Variants in UBE3D observed in about 807,000 individuals in gnomAD.
The protein encoded by UBE3D is ubiquitin protein ligase E3D, also known as E3 ubiquitin-protein ligase E3D.
UBE3D carries 48 observed loss-of-function variants against 49.6 expected under a neutral mutation model. That is an observed-to-expected ratio of 0.97 (90% CI 0.77 to 1.23). UBE3D has a LOEUF of 1.23. Ranked by LOEUF, UBE3D falls within the 50% of genes most tolerant of loss-of-function variation. The pLI is 0.00. For synonymous variants in UBE3D, 189 were observed against 174.2 expected, an observed-to-expected ratio of 1.08 and a Z score of -0.67; for missense variants, 452 against 468.4, an observed-to-expected ratio of 0.96 and a Z score of 0.32.
At chr6:83,013,018 GAGAA>G (rs1780453550) in intron 8 of UBE3D, among the ~76,000 whole-genome samples, 1 of 152,216 alleles carries the variant, frequency 6.6e-6, no homozygotes, top group Non-Finnish European at 1.5e-5. Context: ...GGCTGGGGAA[GAGAA>G]GGCAGGGTGG....
intron 3 of UBE3D, among the ~76,000 whole-genome samples, chr6:83,051,822 T>G (rs1032512985): frequency 1.3e-5 from 2 of 152,156 alleles, no homozygotes; most frequent in East Asian, 1.9e-4. Context: ...ACTCTGAGGA[T>G]CCTCCATTTG....
chr6:82,898,002 T>C (rs942662906), intron 9 of UBE3D, among the ~76,000 whole-genome samples: 1 of 151,982 alleles, frequency 6.6e-6, no homozygotes, highest in African/African-American at 2.4e-5. Flanking sequence ...AACAACCCCA[T>C]CAAAAAGTGG....
At chr6:83,012,354 A>G (rs1780398059) in intron 8 of UBE3D, among the ~76,000 whole-genome samples, 1 of 152,190 alleles carries the variant, frequency 6.6e-6, no homozygotes, top group South Asian at 2.1e-4. Flanking sequence ...AAATGGTGCC[A>G]TATCAAGGGC....
In UBE3D at chr6:82,905,990, T is replaced by C. The variant is rs185679256; in HGVS notation, c.1150-12948A>G. Among the ~76,000 whole-genome samples the C allele has an allele frequency of 3.9e-3, 593 of 152,252 alleles. 7 individuals are homozygous for C. The highest frequency in any genetic ancestry group is 0.013 in the African/African-American group (553 of 41,552). On this transcript the variant is annotated intron_variant, in intron 9 of 9. Transcript: ENST00000369747. Reference sequence around the variant, plus strand: ...TGAAGCAAATCCCAGTCCTATTACTTCACATATAATTCAGTATATATCTTT... The same window carrying C: ...TGAAGCAAATCCCAGTCCTATTACTCCACATATAATTCAGTATATATCTTT...
At position 82,906,879 on chromosome 6, in the gene UBE3D, T is replaced by C. The variant is rs574411629; in HGVS notation, c.1150-13837A>G. The stretch of plus-strand genomic sequence containing the variant: ...GCTAGAAAATACTGTCTTAAAACCA[T>C]CTTAACAATCGAGTCATTTTATCGG... On this transcript the variant is annotated intron_variant, in intron 9 of 9. Transcript: ENST00000369747. Among the ~76,000 whole-genome samples, 5 of 152,310 alleles carry C rather than the reference T, an allele frequency of 3.3e-5. No individual in the cohort carries two copies. In the South Asian group the frequency reaches 1.0e-3, roughly 32 times the overall value.
chr6:83,034,327 C>T (rs555303675), intron 5 of UBE3D, among the ~76,000 whole-genome samples: 3 of 152,242 alleles, frequency 2.0e-5, no homozygotes, highest in South Asian at 4.2e-4. Context: ...TTATTATTAC[C>T]ATAATACTAC....
At chr6:83,062,729 C>T (rs1393285127) in intron 1 of UBE3D, among the ~76,000 whole-genome samples, 1 of 152,004 alleles carries the variant, frequency 6.6e-6, no homozygotes, top group Non-Finnish European at 1.5e-5. Flanking sequence ...TTGCTTTATA[C>T]AGAAAGACAT....
intron 9 of UBE3D, among the ~76,000 whole-genome samples, chr6:82,935,972 A>T (rs780445769): frequency 6.6e-6 from 1 of 152,186 alleles, no homozygotes; most frequent in African/African-American, 2.4e-5. Flanking sequence ...TGAACATGAA[A>T]ATATTTAAAA....
Position 83,024,008 on chromosome 6 carries a change from A to G in UBE3D, c.698T>C (p.Ile233Thr). The G allele has an allele frequency of 6.5e-7, 1 of 1,538,148 alleles. No individual in the cohort carries two copies. Among genetic ancestry groups the G allele is most frequent in the East Asian group, 2.4e-5 (1 of 42,172 alleles). Residue 233 changes from isoleucine to threonine, a missense_variant, in exon 6 of 10, where the codon ATT becomes ACT. Transcript: ENST00000369747. Reference protein sequence around the residue: ...ETTKFYMTEIIIQSSERSFPI... With the variant: ...ETTKFYMTEITIQSSERSFPI... ...AAAACTCCTCTCAGATGACTGAATA[A>G]TTATCTCTGTCATATAAAACTTGGT...
chr6:83,002,297 TA>T (rs1779684731), intron 8 of UBE3D, among the ~76,000 whole-genome samples: 1 of 152,216 alleles, frequency 6.6e-6, no homozygotes, highest in Non-Finnish European at 1.5e-5. Context: ...TTTTGAAACT[TA>T]ATTTCCAATG....
intron 9 of UBE3D, among the ~76,000 whole-genome samples, chr6:82,929,585 G>C (rs1438207945): frequency 6.6e-6 from 1 of 151,668 alleles, no homozygotes; most frequent in Non-Finnish European, 1.5e-5. Context: ...TCTGGTTGGG[G>C]GGGTGGGGAG....
At chr6:83,038,543 T>C in intron 4 of UBE3D, 58 bp from the exon 5 acceptor site, 4 of 1,442,204 alleles carry the variant, frequency 2.8e-6, no homozygotes, top group Non-Finnish European at 3.9e-6. Flanking sequence ...AAGGAATATA[T>C]AATTTTAACA....
chr6:83,027,511 A>G lies in UBE3D; in HGVS notation c.668-3473T>C, dbSNP rs191102535. Among the ~76,000 whole-genome samples the G allele has an allele frequency of 1.1e-3, 170 of 149,058 alleles. 3 individuals are homozygous for G. The highest frequency in any genetic ancestry group is 4.0e-3 in the African/African-American group (165 of 40,768). ...TAGATTAACCTAGTTTGTGTTTGTC[A>G]GAAAACATATTTATCTTAGCCTTAA... On this transcript the variant is annotated intron_variant, in intron 5 of 9. Transcript: ENST00000369747.
intron 8 of UBE3D, among the ~76,000 whole-genome samples, chr6:82,974,058 T>C (rs1777541111): frequency 6.6e-6 from 1 of 152,224 alleles, no homozygotes; most frequent in South Asian, 2.1e-4. Flanking sequence ...GTATAATTAT[T>C]TCATTATGCA....
At chr6:82,983,796 GT>G (rs1778276095) in intron 8 of UBE3D, among the ~76,000 whole-genome samples, 1 of 152,106 alleles carries the variant, frequency 6.6e-6, no homozygotes, top group Admixed American at 6.6e-5. Flanking sequence ...GTTTTAAGAT[GT>G]TTTTGTAGTT....
At chr6:82,984,128 G>C (rs932094328) in intron 8 of UBE3D, among the ~76,000 whole-genome samples, 1 of 151,894 alleles carries the variant, frequency 6.6e-6, no homozygotes, top group Non-Finnish European at 1.5e-5. Context: ...TTTAGCCTTT[G>C]ATTTTTAAAA....
chr6:83,027,102 C>T (rs1395297585), intron 5 of UBE3D, among the ~76,000 whole-genome samples: 1 of 151,970 alleles, frequency 6.6e-6, no homozygotes, highest in African/African-American at 2.4e-5. Flanking sequence ...TATGTGGGAT[C>T]ATTTTCTTCT....
chr6:82,951,908 C>A (rs997095519), intron 9 of UBE3D, among the ~76,000 whole-genome samples: 2 of 152,120 alleles, frequency 1.3e-5, no homozygotes, highest in African/African-American at 4.8e-5. Flanking sequence ...AGGAAGGCTG[C>A]CACTAAGAAT....
chr6:82,895,030 C>T (rs1027820307), intron 9 of UBE3D, among the ~76,000 whole-genome samples: 16 of 152,166 alleles, frequency 1.1e-4, no homozygotes, highest in Non-Finnish European at 1.6e-4. Flanking sequence ...GTTAAGAGGC[C>T]GGCACAGTGG....
Sources: gnomAD v4.1 joint callset for allele counts (sites outside exome capture counted in the v4.1 genomes callset) on GRCh38, gnomAD v4.1.1 for gene constraint, MANE v1.5 for transcripts, NCBI Gene and HGNC (gene_info 2026-07-23, HGNC 2026-07-21) for gene names.